RALYL: variants seen among roughly 807,000 people sequenced by gnomAD.
RALYL encodes RALY RNA binding protein like, also known as RNA-binding Raly-like protein.
A neutral mutation model predicts 35.1 loss-of-function variants in RALYL; 29 were observed. That is an observed-to-expected ratio of 0.83 (90% CI 0.61 to 1.13). The LOEUF is 1.13. Ranked by LOEUF, RALYL falls within the 50% of genes most tolerant of loss-of-function variation. The probability of loss-of-function intolerance (pLI) is 0.00; values close to 1 mark genes in which losing one functional copy is unlikely to be tolerated. For synonymous variants in RALYL, 120 were observed against 127.6 expected, an observed-to-expected ratio of 0.94 and a Z score of 0.40; for missense variants, 359 against 360.4, an observed-to-expected ratio of 1.00 and a Z score of 0.03.
At chr8:84,654,310 T>TATATATATATATATATATATATATAC (rs1554766145) in intron 2 of RALYL, among the ~76,000 whole-genome samples, 3 of 134,722 alleles carry the variant, frequency 2.2e-5, no homozygotes, top group African/African-American at 8.2e-5. Context: ...TATATATATA[T>TATATATATATATATATATATATATAC]ATATCATGTA....
chr8:84,812,056 T>C (rs573222981), intron 4 of RALYL, among the ~76,000 whole-genome samples: 36 of 152,084 alleles, frequency 2.4e-4, no homozygotes, highest in African/African-American at 8.5e-4. Flanking sequence ...GTGTGATTTT[T>C]GGGGGTGTTT....
At chr8:84,446,366 A>T (rs1213245847) in intron 1 of RALYL, among the ~76,000 whole-genome samples, 1 of 145,610 alleles carries the variant, frequency 6.9e-6, no homozygotes, top group Non-Finnish European at 1.5e-5. Flanking sequence ...TGTGTGCTTG[A>T]AAGAGTATAG....
rs71273908 is a variant in RALYL, at chr8:84,638,871, A to AATATAT, written c.256+109339_256+109344dup. ...AATACGAGTATCTAATGCACGCATA[A>AATATAT]ATATATATATATATATATATATATA... On this transcript the variant is annotated intron_variant, in intron 2 of 8. Transcript: ENST00000521268. Among the ~76,000 whole-genome samples, 251 of 85,914 alleles carry AATATAT rather than the reference A, an allele frequency of 2.9e-3. 2 individuals are homozygous for AATATAT. Among genetic ancestry groups the AATATAT allele is most frequent in the East Asian group, 7.3e-3 (15 of 2,056 alleles). 56.4% of individuals were successfully genotyped at this position (85,914 alleles called of 152,430 possible).
intron 3 of RALYL, among the ~76,000 whole-genome samples, chr8:84,785,631 A>T (rs927571292): frequency 1.3e-5 from 2 of 152,208 alleles, no homozygotes; most frequent in African/African-American, 2.4e-5. Flanking sequence ...AAATATTTTT[A>T]AAAACATTTT....
rs2044474895 is a variant in RALYL at position 84,414,879 on chromosome 8, A to C, written c.-23-114420A>C. ...AGAGAGATGAATGTTCTGCTTCTTC[A>C]GTGGTTCTTACCCCTGAATGTTTGT... is the stretch of plus-strand genomic sequence containing the variant. On this transcript the variant is annotated intron_variant, in intron 1 of 8. Coordinates refer to ENST00000521268, the MANE Select transcript of RALYL (RefSeq NM_173848.7). Among the ~76,000 whole-genome samples, 6 of 152,278 alleles carry C rather than the reference A, an allele frequency of 3.9e-5. No individual in the cohort carries two copies. The South Asian group carries it at 1.2e-3, about 32-fold the overall frequency.
At chr8:84,388,003 C>A (rs1423091396) in intron 1 of RALYL, among the ~76,000 whole-genome samples, 1 of 152,004 alleles carries the variant, frequency 6.6e-6, no homozygotes, top group Admixed American at 6.6e-5. Context: ...CTACACCACG[C>A]CACACCAGTC....
intron 1 of RALYL, among the ~76,000 whole-genome samples, chr8:84,504,229 A>T (rs572360928): frequency 1.3e-5 from 2 of 152,272 alleles, no homozygotes; most frequent in South Asian, 4.1e-4. Context: ...GATGAGGTTA[A>T]ATATGTTTAA....
chr8:84,300,082 A>T (rs951955486), intron 1 of RALYL, among the ~76,000 whole-genome samples: 3 of 152,102 alleles, frequency 2.0e-5, no homozygotes, highest in Admixed American at 6.6e-5. Flanking sequence ...TTAGTGCTAT[A>T]AACTTTCCTC....
At chr8:84,684,044 T>G (rs1184928970) in intron 2 of RALYL, among the ~76,000 whole-genome samples, 1 of 152,080 alleles carries the variant, frequency 6.6e-6, no homozygotes, top group Non-Finnish European at 1.5e-5. Context: ...AAAATGCTAC[T>G]GAGGATTGCT....
chr8:84,306,266 T>C (rs965875611), intron 1 of RALYL, among the ~76,000 whole-genome samples: 4 of 152,146 alleles, frequency 2.6e-5, no homozygotes, highest in African/African-American at 9.7e-5. Context: ...AATTGGGTTC[T>C]TAGGAAAATA....
At chr8:84,523,326 C>T (rs1355931708) in intron 1 of RALYL, among the ~76,000 whole-genome samples, 1 of 151,672 alleles carries the variant, frequency 6.6e-6, no homozygotes, top group Admixed American at 6.6e-5. Flanking sequence ...ACTCATGAGA[C>T]TTATTCATGA....
At chr8:84,281,631 A>T (rs531330391) in intron 1 of RALYL, among the ~76,000 whole-genome samples, 1 of 152,272 alleles carries the variant, frequency 6.6e-6, no homozygotes, top group East Asian at 1.9e-4. Context: ...AGTCTTCCCC[A>T]GATATCCATC....
At chr8:84,485,017 C>A (rs1335072832) in intron 1 of RALYL, among the ~76,000 whole-genome samples, 1 of 152,010 alleles carries the variant, frequency 6.6e-6, no homozygotes, top group Non-Finnish European at 1.5e-5. Flanking sequence ...AAGTGGCTTC[C>A]CCTACGGTAC....
intron 8 of RALYL, chr8:84,906,948 A>G: frequency 1.0e-6 from 1 of 985,222 alleles, no homozygotes; most frequent in Non-Finnish European, 1.2e-6. Flanking sequence ...AATATGGAAA[A>G]TCACAAGCTC....
chr8:84,618,379 A>G (rs201185178), intron 2 of RALYL, among the ~76,000 whole-genome samples: 5 of 151,424 alleles, frequency 3.3e-5, no homozygotes, highest in Non-Finnish European at 7.4e-5. Context: ...GTTTATTTGC[A>G]TAGAGGTGTT....
chr8:84,346,289 A>G (rs1462217779), intron 1 of RALYL: 1 of 154,678 alleles, frequency 6.5e-6, no homozygotes, highest in Non-Finnish European at 1.4e-5. Flanking sequence ...GGTGTCAGAG[A>G]TTGGCTGACA....
intron 1 of RALYL, among the ~76,000 whole-genome samples, chr8:84,244,498 A>G (rs546949055): frequency 1.3e-5 from 2 of 152,284 alleles, no homozygotes; most frequent in African/African-American, 2.4e-5. Flanking sequence ...TCTTCCTTCC[A>G]GTTTTCAATG....
chr8:84,568,769 T>C (rs1473502588), intron 2 of RALYL, among the ~76,000 whole-genome samples: 44 of 138,940 alleles, frequency 3.2e-4, no homozygotes, highest in African/African-American at 1.2e-3. Flanking sequence ...GGTATCTCAT[T>C]GTGGTTTTGA....
intron 1 of RALYL, chr8:84,184,725 G>A (rs1182503966): frequency 5.1e-6 from 2 of 391,316 alleles, no homozygotes; most frequent in East Asian, 3.9e-5. Flanking sequence ...GCTGCGGGCC[G>A]CGCCGGCCGG....
Sources: allele counts gnomAD v4.1 joint callset (sites outside exome capture counted in the v4.1 genomes callset), GRCh38; gene constraint gnomAD v4.1.1; transcripts MANE v1.5; gene names NCBI Gene and HGNC (gene_info 2026-07-23, HGNC 2026-07-21).